The following PIK3C2A variants were observed in gnomAD, a reference collection of about 807,000 sequenced individuals.
PIK3C2A encodes phosphatidylinositol-4-phosphate 3-kinase catalytic subunit type 2 alpha.
A neutral mutation model predicts 204.5 loss-of-function variants in PIK3C2A; 97 were observed. The observed-to-expected ratio is 0.47, with a 90% CI of 0.40 to 0.56. The LOEUF (loss-of-function observed/expected upper bound fraction) is 0.56. Among genes scored for constraint, PIK3C2A ranks in the 20% least tolerant of loss-of-function variants. The probability of loss-of-function intolerance (pLI) is 0.00; values close to 1 mark genes in which losing one functional copy is unlikely to be tolerated. For missense variants in PIK3C2A, 1,735 were observed against 1,969.2 expected (o/e 0.88, Z 2.25); for synonymous variants, 653 against 664.4 (o/e 0.98, Z 0.26).
intron 13 of PIK3C2A, among the ~76,000 whole-genome samples, chr11:17,126,330 T>C (rs549817419): frequency 2.6e-5 from 4 of 152,110 alleles, no homozygotes; most frequent in South Asian, 2.1e-4. Flanking sequence ...GGCGGGAAGA[T>C]GGATCACTTG....
intron 1 of PIK3C2A, among the ~76,000 whole-genome samples, chr11:17,175,964 C>A (rs1590997626): frequency 6.6e-6 from 1 of 150,572 alleles, no homozygotes; most frequent in African/African-American, 2.4e-5. Context: ...TGAATATAAA[C>A]CTTAAAGGAA....
Position 17,105,246 on chromosome 11 carries a change from C to A in PIK3C2A, c.3604G>T (p.Val1202Leu). Reference protein sequence around the residue: ...TLRKIQVEYGVTGSFKDKPLA... With the variant: ...TLRKIQVEYGLTGSFKDKPLA... ...GGTTTATCTTTAAAGGATCCTGTCACACCATATTCCACTTGGATTTTCCTG... is the reference window on the plus strand; with the variant it reads ...GGTTTATCTTTAAAGGATCCTGTCAAACCATATTCCACTTGGATTTTCCTG... The change falls in exon 23 of 33, where the codon GTG becomes TTG. Residue 1202 changes from valine (V) to leucine (L), a missense_variant. By Grantham distance (32) the Val-to-Leu change is conservative. This residue lies in a region of PIK3C2A where 503 missense variants were observed against 669.0 expected (regional missense o/e 0.75). Coordinates refer to ENST00000691414, the MANE Select transcript of PIK3C2A (RefSeq NM_002645.4). 6.2e-7 allele frequency: 1 copy of A among 1,609,538 alleles called. No homozygotes were observed. Among genetic ancestry groups the A allele is most frequent in the South Asian group, 1.1e-5 (1 of 90,470 alleles).
chr11:17,201,719 G>C (rs1167776788), intron 1 of PIK3C2A, among the ~76,000 whole-genome samples: 1 of 151,828 alleles, frequency 6.6e-6, no homozygotes, highest in African/African-American at 2.4e-5. Flanking sequence ...CAAAAATCTT[G>C]TCTAATTAAC....
intron 1 of PIK3C2A, among the ~76,000 whole-genome samples, chr11:17,182,985 A>G (rs993229470): frequency 2.6e-5 from 4 of 152,136 alleles, no homozygotes; most frequent in African/African-American, 9.7e-5. Flanking sequence ...AACTACAGGT[A>G]TGCATCACTA....
chr11:17,138,397 G>A (rs999031696), intron 8 of PIK3C2A: 1 of 370,802 alleles, frequency 2.7e-6, no homozygotes, highest in African/African-American at 2.1e-5. Flanking sequence ...GCACCCTCAT[G>A]CTATGTTCTC....
chr11:17,189,931 G>A lies in PIK3C2A; in HGVS notation c.-66+17917C>T, dbSNP rs1317199837. Among the ~76,000 whole-genome samples, 9 of 150,812 alleles carry A rather than the reference G, an allele frequency of 6.0e-5. No individual in the cohort carries two copies. In the East Asian group the frequency reaches 1.6e-3, roughly 26 times the overall value. On this transcript the variant is annotated intron_variant, in intron 1 of 32. Transcript: ENST00000691414. ...AAAGTAAAGGAAATAGTCAAAATAA[G>A]CAAACTCAAAGATGCCCCAAATGTT...
intron 1 of PIK3C2A, among the ~76,000 whole-genome samples, chr11:17,207,555 A>G (rs900507052): frequency 1.3e-5 from 2 of 152,032 alleles, no homozygotes; most frequent in African/African-American, 2.4e-5. Context: ...GTGGGACAAA[A>G]CTAACTCCCT....
intron 1 of PIK3C2A, among the ~76,000 whole-genome samples, chr11:17,190,190 G>A (rs2137548255): frequency 6.6e-6 from 1 of 151,920 alleles, no homozygotes; most frequent in Middle Eastern, 3.4e-3. Context: ...TTGAACCTGG[G>A]AGGCAGAGGT....
chr11:17,146,475 G>A (rs1157035522), intron 6 of PIK3C2A, among the ~76,000 whole-genome samples: 2 of 152,008 alleles, frequency 1.3e-5, no homozygotes, highest in African/African-American at 4.8e-5. Context: ...CACTTTGGGA[G>A]ACCAAGGTAG....
chr11:17,129,911 C>T (rs1422521862), intron 12 of PIK3C2A, among the ~76,000 whole-genome samples: 14 of 152,158 alleles, frequency 9.2e-5, no homozygotes, highest in Admixed American at 9.2e-4. Flanking sequence ...TACTGAGTAA[C>T]CTTTAGCTAA....
intron 8 of PIK3C2A, among the ~76,000 whole-genome samples, chr11:17,143,770 C>G (rs2137417108): frequency 6.6e-6 from 1 of 152,190 alleles, no homozygotes; most frequent in Non-Finnish European, 1.5e-5. Context: ...AACCCTGTCT[C>G]TACCAAAAAT....
At chr11:17,113,546 C>T (rs1849067684) in intron 20 of PIK3C2A, among the ~76,000 whole-genome samples, 2 of 152,046 alleles carry the variant, frequency 1.3e-5, no homozygotes, top group African/African-American at 2.4e-5. Flanking sequence ...GTGAGACCAG[C>T]TGGGCATGGT....
At chr11:17,148,823 A>G in intron 4 of PIK3C2A, 36 bp from the exon 5 acceptor site, 1 of 1,551,384 alleles carries the variant, frequency 6.4e-7, no homozygotes, top group South Asian at 1.1e-5. Context: ...CACTTTGCTC[A>G]TTTATATTTA....
chr11:17,122,757 G>T lies in PIK3C2A; in HGVS notation c.2456C>A (p.Ser819Tyr). 1.3e-6 allele frequency: 2 copies of T among 1,573,974 alleles called. No homozygotes were observed. Among genetic ancestry groups the T allele is most frequent in the Non-Finnish European group, 1.7e-6 (2 of 1,146,814 alleles). ...LYLWTSSHTN[S>Y]VPGTVTKKGY... ...TTTTTTGGTAACTGTTCCAGGAACA[G>T]AATTTGTATGTGATGAAGTCCAAAG... is the stretch of plus-strand genomic sequence containing the variant. Residue 819 changes from serine (S) to tyrosine (Y), a missense_variant, in exon 14 of 33, where the codon TCT (serine) becomes TAT (tyrosine). Physicochemically the swap from Ser to Tyr is moderately radical, Grantham distance 144. Coordinates refer to ENST00000691414, the MANE Select transcript of PIK3C2A (RefSeq NM_002645.4).
At chr11:17,187,221 C>T (rs1452500507) in intron 1 of PIK3C2A, among the ~76,000 whole-genome samples, 2 of 151,852 alleles carry the variant, frequency 1.3e-5, no homozygotes, top group Admixed American at 1.3e-4. Context: ...ATCATGAGAG[C>T]GATTAGCACA....
intron 28 of PIK3C2A, among the ~76,000 whole-genome samples, chr11:17,093,314 T>G (rs756370822): frequency 9.2e-5 from 14 of 152,254 alleles, no homozygotes; most frequent in Non-Finnish European, 1.8e-4. Context: ...TTGCCCAGGC[T>G]GGAGTGCAGT....
chr11:17,168,246 C>T (rs1399496264), intron 2 of PIK3C2A, among the ~76,000 whole-genome samples: 2 of 152,028 alleles, frequency 1.3e-5, no homozygotes, highest in African/African-American at 4.8e-5. Context: ...CACTTGAGAG[C>T]AAAGAAAAAC....
chr11:17,165,308 C>T (rs214940), intron 2 of PIK3C2A, among the ~76,000 whole-genome samples: 64,929 of 151,956 alleles, frequency 0.43, 14,194 homozygotes, highest in Non-Finnish European at 0.47. Flanking sequence ...CCCTGAAATT[C>T]CATACTGTCC....
intron 1 of PIK3C2A, among the ~76,000 whole-genome samples, chr11:17,183,755 C>CACA (rs1396267406): frequency 6.6e-6 from 1 of 151,784 alleles, no homozygotes; most frequent in African/African-American, 2.4e-5. Flanking sequence ...AGTCATGTAC[C>CACA]ACATGACACT....
Sources: gnomAD v4.1 joint callset for allele counts (sites outside exome capture counted in the v4.1 genomes callset) on GRCh38, gnomAD v4.1.1 for gene constraint, gnomAD v4.1.1 regional missense constraint, MANE v1.5 for transcripts, NCBI Gene and HGNC (gene_info 2026-07-23, HGNC 2026-07-21) for gene names.